DOT1L: variants seen among roughly 807,000 people sequenced by gnomAD.
DOT1L encodes the protein DOT1 like histone lysine methyltransferase, also known as histone-lysine N-methyltransferase, H3 lysine-79 specific.
In DOT1L, 33 loss-of-function variants were observed where a neutral mutation model predicts 153.3. The ratio of observed to expected loss-of-function variants is 0.22; its 90% CI spans 0.16 to 0.29. The LOEUF is 0.29. DOT1L is among the 10% of genes least tolerant of loss of function. DOT1L has a pLI of 1.00. For synonymous variants in DOT1L, 1,135 were observed against 965.1 expected, an observed-to-expected ratio of 1.18 and a Z score of -3.26; for missense variants, 1,847 against 2,119.9, an observed-to-expected ratio of 0.87 and a Z score of 2.53.
chr19:2,209,833 G>A (rs1219783851), intron 12 of DOT1L, among the ~76,000 whole-genome samples: 1 of 151,710 alleles, frequency 6.6e-6, no homozygotes, highest in East Asian at 2.0e-4. Context: ...TCAGAGCCTG[G>A]TACCCCTCGG....
chr19:2,230,378 C>T lies in DOT1L; in HGVS notation c.*586C>T, dbSNP rs906210377. On this transcript the variant is annotated 3_prime_UTR_variant, in exon 28 of 28. Coordinates refer to ENST00000398665, the MANE Select transcript of DOT1L (RefSeq NM_032482.3). ...CCTGGCGCCTGCCCTGAGCTCTTCA[C>T]CTTTACCCCGGCACTGTGAACCCCC... is the stretch of plus-strand genomic sequence containing the variant. 7 of 407,504 alleles carry T rather than the reference C, an allele frequency of 1.7e-5. No individual in the cohort carries two copies. Among genetic ancestry groups the T allele is most frequent in the Non-Finnish European group, 3.0e-5 (7 of 232,014 alleles). 25.2% of individuals were successfully genotyped at this position (407,504 alleles called of 1,614,324 possible).
At chr19:2,176,955 C>A (rs551786951) in intron 1 of DOT1L, among the ~76,000 whole-genome samples, 17 of 152,286 alleles carry the variant, frequency 1.1e-4, no homozygotes, top group African/African-American at 3.8e-4. Context: ...AGAAGCAGGA[C>A]CCCGATATGA....
At chr19:2,174,465 T>C (rs1297079441) in intron 1 of DOT1L, among the ~76,000 whole-genome samples, 3 of 152,090 alleles carry the variant, frequency 2.0e-5, no homozygotes, top group African/African-American at 4.8e-5. Flanking sequence ...GGCGGGCAGA[T>C]CACCTGAGGT....
rs1009403872 is a variant in DOT1L, at chr19:2,230,836, C to G, written c.*1044C>G. 5 of 367,064 alleles carry G rather than the reference C, an allele frequency of 1.4e-5. No individual in the cohort carries two copies. Among genetic ancestry groups the G allele is most frequent in the African/African-American group, 1.0e-4 (5 of 48,132 alleles). The allele number at this position is 367,064 out of a possible 1,614,324, so 22.7% of individuals were successfully genotyped here. ...CCCTCAGTTGCAGCTCCCAGCAGCC[C>G]AGACAGAGCTGCCGGCGCCCCTGCC... On this transcript the variant is annotated 3_prime_UTR_variant, in exon 28 of 28. Transcript: ENST00000398665.
At position 2,226,388 on chromosome 19, in the gene DOT1L, C is replaced by T. The variant is rs1457983492; in HGVS notation, c.3867C>T (p.Ala1289=). 1.3e-5 allele frequency: 20 copies of T among 1,593,590 alleles called. No individual in the cohort carries two copies. Among genetic ancestry groups the T allele is most frequent in the East Asian group, 9.0e-5 (4 of 44,518 alleles). The change falls in exon 27 of 28, where the codon GCC becomes GCT. Residue 1289 remains alanine, a synonymous_variant. Coordinates refer to ENST00000398665, the MANE Select transcript of DOT1L (RefSeq NM_032482.3). ...LEEPSADAKL[A]AHPRKGFPGS... ...AGCCCTCTGCCGATGCCAAGCTGGC[C>T]GCTCACCCCAGGAAAGGCTTTCCCG...
At chr19:2,188,489 C>A (rs979556875) in intron 3 of DOT1L, among the ~76,000 whole-genome samples, 2 of 129,104 alleles carry the variant, frequency 1.5e-5, no homozygotes, top group African/African-American at 3.0e-5. Flanking sequence ...CGCCCCCCCC[C>A]CCCCCACCCG....
intron 5 of DOT1L, among the ~76,000 whole-genome samples, chr19:2,192,134 C>T (rs533546146): frequency 2.6e-5 from 4 of 152,168 alleles, no homozygotes; most frequent in Non-Finnish European, 4.4e-5. Flanking sequence ...GCGAGCCCCA[C>T]GTCTGCCCCC....
At chr19:2,195,492 G>A (rs1008362145) in intron 7 of DOT1L, among the ~76,000 whole-genome samples, 1 of 152,160 alleles carries the variant, frequency 6.6e-6, no homozygotes, top group South Asian at 2.1e-4. Context: ...TGGTGCTGGT[G>A]CAGCTGCTCC....
At chr19:2,164,419 C>G in intron 1 of DOT1L, 154 bp downstream of exon 1, 1 of 464,668 alleles carries the variant, frequency 2.2e-6, no homozygotes, top group Non-Finnish European at 3.3e-6. Context: ...CGTTGCTTCC[C>G]GGCCGAGGGC....
chr19:2,214,303 A>C (rs2023823108), intron 18 of DOT1L, 168 bp from the exon 19 acceptor site: 1 of 1,224,258 alleles, frequency 8.2e-7, no homozygotes, highest in Non-Finnish European at 1.1e-6. Context: ...GGGGGGCCCC[A>C]GTCTCCGCGT....
chr19:2,204,262 C>T lies in DOT1L; in HGVS notation c.787+1483C>T, dbSNP rs556302194. Among the ~76,000 whole-genome samples, 21 of 151,212 alleles carry T rather than the reference C, an allele frequency of 1.4e-4. No individual in the cohort carries two copies. The highest frequency in any genetic ancestry group is 4.9e-4 in the African/African-American group (20 of 41,132). On this transcript the variant is annotated intron_variant, in intron 9 of 27. Coordinates refer to ENST00000398665, the MANE Select transcript of DOT1L (RefSeq NM_032482.3). The surrounding 1 kb of genome is among the most constrained non-coding windows in gnomAD (Gnocchi z 5.7). Reference sequence around the variant, plus strand: ...GTGTGTGTGCGTGCCCGTGTGCCTCCGTGTCTATGTATGTGTCTGCTTGTT... The same window carrying T: ...GTGTGTGTGCGTGCCCGTGTGCCTCTGTGTCTATGTATGTGTCTGCTTGTT...
chr19:2,214,517 C>A lies in DOT1L; in HGVS notation c.1844C>A (p.Ser615Ter). Residue 615 changes from serine to a stop codon, truncating the protein, a stop_gained, in exon 19 of 28, where the codon TCG becomes TAG. Transcript: ENST00000398665. LOFTEE classifies it high-confidence loss of function. ...EELQLDWATL[S>*]LEKLLKEKQA... ...CTGCAGCTGGACTGGGCCACGCTGT[C>A]GCTGGAGAAGCTGTTGAAGGAGAAG... is the stretch of plus-strand genomic sequence containing the variant. The A allele has an allele frequency of 1.2e-6, 2 of 1,613,120 alleles. No homozygotes were observed. The highest frequency in any genetic ancestry group is 2.2e-5 in the South Asian group (2 of 91,028).
At chr19:2,219,861 C>A (rs1490176020) in intron 22 of DOT1L, among the ~76,000 whole-genome samples, 1 of 152,214 alleles carries the variant, frequency 6.6e-6, no homozygotes, top group Non-Finnish European at 1.5e-5. Context: ...CCCGGGACCC[C>A]CGCCTCCTGA....
chr19:2,211,904 G>C, intron 16 of DOT1L, 62 bp downstream of exon 16: 1 of 1,469,062 alleles, frequency 6.8e-7, no homozygotes, highest in Admixed American at 2.0e-5. Flanking sequence ...TCCTGTTCCT[G>C]GGCATCTGTC....
At chr19:2,203,467 C>T (rs1012861984) in intron 9 of DOT1L, among the ~76,000 whole-genome samples, 2 of 152,202 alleles carry the variant, frequency 1.3e-5, no homozygotes, top group African/African-American at 4.8e-5. Flanking sequence ...GGGCAAGAGT[C>T]CCCTTTATTC....
At chr19:2,170,031 C>T (rs527506331) in intron 1 of DOT1L, among the ~76,000 whole-genome samples, 1 of 152,172 alleles carries the variant, frequency 6.6e-6, no homozygotes, top group South Asian at 2.1e-4. Context: ...GTGGCGGTTG[C>T]CTATAATCCG....
chr19:2,210,671 G>A lies in DOT1L; in HGVS notation c.1167G>A (p.Pro389=), dbSNP rs758711898. The A allele has an allele frequency of 9.9e-6, 16 of 1,612,916 alleles. No homozygotes were observed. The highest frequency in any genetic ancestry group is 4.4e-5 in the South Asian group (4 of 91,092). ...CGGGAGCAGCCACCGTGAAGAAGCC[G>A]TCTCCCTCCAAAGCCCGCAAGAAGA... ...EKAGAATVKK[P]SPSKARKKKL... Residue 389 remains proline, a synonymous_variant, in exon 14 of 28, where the codon CCG becomes CCA. Transcript: ENST00000398665.
chr19:2,216,659 G>C lies in DOT1L; in HGVS notation c.2302G>C (p.Ala768Pro), dbSNP rs758184437. 6.5e-5 allele frequency: 104 copies of C among 1,604,508 alleles called. No homozygotes were observed. The highest frequency in any genetic ancestry group is 8.7e-5 in the Non-Finnish European group (103 of 1,179,898). Residue 768 changes from alanine (A) to proline (P), a missense_variant, in exon 20 of 28, where the codon GCA (alanine) becomes CCA (proline). Transcript: ENST00000398665. ...PRLEKLSGLA[A>P]PDYTRLSPAK... ...CCTGGAGAAGCTGTCTGGCCTAGCC[G>C]CACCCGACTACACTAGGCTGTCCCC... is the stretch of plus-strand genomic sequence containing the variant.
intron 27 of DOT1L, chr19:2,228,532 A>G: frequency 8.6e-7 from 1 of 1,160,130 alleles, no homozygotes. Context: ...GATGGTCGCG[A>G]GAGGAGGGAC....
Sources: gnomAD v4.1 joint callset for allele counts (sites outside exome capture counted in the v4.1 genomes callset) on GRCh38, gnomAD v4.1.1 for gene constraint, Gnocchi (gnomAD v3.1) non-coding constraint, MANE v1.5 for transcripts, NCBI Gene and HGNC (gene_info 2026-07-23, HGNC 2026-07-21) for gene names.